The following VAMP4 variants were observed in gnomAD, a reference collection of about 807,000 sequenced individuals.
VAMP4 encodes vesicle-associated membrane protein 4.
A neutral mutation model predicts 23.5 loss-of-function variants in VAMP4; 19 were observed. The observed-to-expected ratio is 0.81, with a 90% CI of 0.56 to 1.19. The LOEUF (loss-of-function observed/expected upper bound fraction) is 1.19. VAMP4 is among the 50% of genes most tolerant of loss of function. The pLI, the probability that VAMP4 is intolerant of heterozygous loss-of-function variation, is 0.00. For missense variants in VAMP4, 145 were observed against 168.6 expected (o/e 0.86, Z 0.78); for synonymous variants, 31 against 51.0 (o/e 0.61, Z 1.67).
At chr1:171,732,360 GAAAAA>G (rs532876540) in intron 2 of VAMP4, among the ~76,000 whole-genome samples, 12 of 123,548 alleles carry the variant, frequency 9.7e-5, no homozygotes, top group African/African-American at 3.0e-4. Context: ...GTCTCTATGG[GAAAAA>G]AAAAAAAAAA....
At chr1:171,741,256 G>A (rs1250911422) in intron 1 of VAMP4, among the ~76,000 whole-genome samples, 1 of 152,086 alleles carries the variant, frequency 6.6e-6, no homozygotes, top group Non-Finnish European at 1.5e-5. Flanking sequence ...TTGAATCTGG[G>A]CAAAGGCTCT....
At chr1:171,733,008 A>G (rs114456404) in intron 2 of VAMP4, among the ~76,000 whole-genome samples, 2,200 of 152,258 alleles carry the variant, frequency 0.014, 51 homozygotes, top group African/African-American at 0.049. Context: ...ATAGAAATAG[A>G]TAATTCCCAA....
intron 4 of VAMP4, among the ~76,000 whole-genome samples, chr1:171,714,326 G>C (rs1194552457): frequency 1.3e-5 from 2 of 152,084 alleles, no homozygotes; most frequent in Non-Finnish European, 2.9e-5. Flanking sequence ...CATTGGTCTT[G>C]TCCCCATTGT....
Position 171,706,429 on chromosome 1 carries a change from CA to C in VAMP4, c.346-12del. ...CATGATGGCTTTTATCTACAACACACAAAAGGGCATATATATTAATATTTGA... is the reference window on the plus strand; with the variant it reads ...CATGATGGCTTTTATCTACAACACACAAAGGGCATATATATTAATATTTGA... On this transcript the variant is annotated splice_polypyrimidine_tract_variant and intron_variant, in intron 6 of 7. Coordinates refer to ENST00000236192, the MANE Select transcript of VAMP4 (RefSeq NM_003762.5). 1 of 1,603,928 alleles carries C rather than the reference CA, an allele frequency of 6.2e-7. No individual in the cohort carries two copies. The highest frequency in any genetic ancestry group is 8.5e-7 in the Non-Finnish European group (1 of 1,175,148).
In VAMP4 at chr1:171,701,377, C is replaced by T. The variant is rs546484757; in HGVS notation, c.*3129G>A. Reference sequence around the variant, plus strand: ...AACAATTTCTTGCATATTTTCTAATCATAGTGTATATACAGATGTAAATAC... The same window carrying T: ...AACAATTTCTTGCATATTTTCTAATTATAGTGTATATACAGATGTAAATAC... On this transcript the variant is annotated 3_prime_UTR_variant, in exon 8 of 8. Transcript: ENST00000236192. 1 of 152,260 alleles carries T rather than the reference C, an allele frequency of 6.6e-6. No individual in the cohort carries two copies. The highest frequency in any genetic ancestry group is 1.9e-4 in the East Asian group (1 of 5,188). 9.4% of individuals were successfully genotyped at this position (152,260 alleles called of 1,614,324 possible).
At chr1:171,732,113 T>C (rs1655583564) in intron 2 of VAMP4, among the ~76,000 whole-genome samples, 1 of 152,224 alleles carries the variant, frequency 6.6e-6, no homozygotes, top group Non-Finnish European at 1.5e-5. Context: ...CAGCAAATTT[T>C]ATTTTATTTT....
intron 6 of VAMP4, among the ~76,000 whole-genome samples, chr1:171,709,443 A>G (rs1572239484): frequency 6.6e-6 from 1 of 152,346 alleles, no homozygotes; most frequent in South Asian, 2.1e-4. Flanking sequence ...TTTCATTAAA[A>G]AAATCTATGA....
At chr1:171,729,899 T>C (rs769482298) in intron 2 of VAMP4, among the ~76,000 whole-genome samples, 1 of 152,034 alleles carries the variant, frequency 6.6e-6, no homozygotes, top group Non-Finnish European at 1.5e-5. Context: ...TCACGGATCT[T>C]GAGAAGAAAA....
chr1:171,709,671 T>A lies in VAMP4; in HGVS notation c.339A>T (p.Gly113=). ...KQLRRQMWWR[G]CKIKAIMALV... is the part of the protein sequence containing the mutation. ...TAGCTTCTGATTTACTTACTTTGCA[T>A]CCACGCCACCACATTTGCCTTCGAA... Residue 113 remains glycine, a synonymous_variant, in exon 6 of 8, where the codon GGA becomes GGT. Coordinates refer to ENST00000236192, the MANE Select transcript of VAMP4 (RefSeq NM_003762.5). 2 of 1,612,926 alleles carry A rather than the reference T, an allele frequency of 1.2e-6. No homozygotes were observed. Among genetic ancestry groups the A allele is most frequent in the Non-Finnish European group, 1.7e-6 (2 of 1,179,230 alleles).
rs1397552138 is a variant in VAMP4 at position 171,701,542 on chromosome 1, T to C, written c.*2964A>G. ...TCATTTACAGGATAGTCACATACTA[T>C]ACAGAATTGAAAGATGCCAATTTTT... On this transcript the variant is annotated 3_prime_UTR_variant, in exon 8 of 8. Transcript: ENST00000236192. The C allele has an allele frequency of 6.6e-6, 1 of 152,188 alleles. No individual in the cohort carries two copies. The highest frequency in any genetic ancestry group is 1.5e-5 in the Non-Finnish European group (1 of 68,006). The allele number at this position is 152,188 out of a possible 1,614,324, so 9.4% of individuals were successfully genotyped here.
chr1:171,710,813 C>T lies in VAMP4; in HGVS notation c.166G>A (p.Val56Ile). Residue 56 changes from valine to isoleucine, a missense_variant and splice_region_variant, in exon 5 of 8, where the codon GTT becomes ATT. Transcript: ENST00000236192. Reference sequence around the variant, plus strand: ...ATAACTTCATCCACTTGATTCTGAACACTAGTTTAAAAAAGATACACAATT... The same window carrying T: ...ATAACTTCATCCACTTGATTCTGAATACTAGTTTAAAAAAGATACACAATT... ...FGPRNDKIKH[V>I]QNQVDEVIDV... The T allele has an allele frequency of 1.9e-6, 3 of 1,592,822 alleles. No individual in the cohort carries two copies. Among genetic ancestry groups the T allele is most frequent in the Non-Finnish European group, 1.7e-6 (2 of 1,169,798 alleles).
chr1:171,737,727 GTTC>G (rs1366247880), intron 2 of VAMP4, among the ~76,000 whole-genome samples: 4 of 152,124 alleles, frequency 2.6e-5, no homozygotes, highest in Admixed American at 1.3e-4. Context: ...TACATAATAT[GTTC>G]TTAACTTTCT....
In VAMP4 at chr1:171,709,670, A is replaced by G; in HGVS notation, c.340T>C (p.Cys114Arg). The change falls in exon 6 of 8, where the codon TGC (cysteine) becomes CGC (arginine). Residue 114 changes from cysteine to arginine, a missense_variant. Coordinates refer to ENST00000236192, the MANE Select transcript of VAMP4 (RefSeq NM_003762.5). ...QLRRQMWWRG[C>R]KIKAIMALVA... ...GTAGCTTCTGATTTACTTACTTTGCATCCACGCCACCACATTTGCCTTCGA... is the reference window on the plus strand; with the variant it reads ...GTAGCTTCTGATTTACTTACTTTGCGTCCACGCCACCACATTTGCCTTCGA... 6.2e-7 allele frequency: 1 copy of G among 1,613,104 alleles called. No individual in the cohort carries two copies.
At chr1:171,717,046 CAT>C (rs1485715252) in intron 4 of VAMP4, among the ~76,000 whole-genome samples, 4 of 152,106 alleles carry the variant, frequency 2.6e-5, no homozygotes, top group African/African-American at 9.7e-5. Context: ...CATTCATTAA[CAT>C]AGACATATAT....
intron 7 of VAMP4, 25 bp from the exon 8 acceptor site, chr1:171,704,559 C>A: frequency 6.5e-7 from 1 of 1,540,334 alleles, no homozygotes; most frequent in South Asian, 1.2e-5. Context: ...ATGAAAAAAG[C>A]AATATATCAA....
chr1:171,739,966 A>C (rs1213138068), intron 1 of VAMP4, among the ~76,000 whole-genome samples: 1 of 152,252 alleles, frequency 6.6e-6, no homozygotes, highest in Non-Finnish European at 1.5e-5. Flanking sequence ...ATTTTTGACT[A>C]GATGGTAGAT....
In VAMP4 at chr1:171,704,325, T is replaced by C. The variant is rs1654577825; in HGVS notation, c.*181A>G. On this transcript the variant is annotated 3_prime_UTR_variant, in exon 8 of 8. Coordinates refer to ENST00000236192, the MANE Select transcript of VAMP4 (RefSeq NM_003762.5). ...TTAAACATAATTATTAAAAGAACATTTTGTTAGAAAGGGAGAAGATAATTG... is the reference window on the plus strand; with the variant it reads ...TTAAACATAATTATTAAAAGAACATCTTGTTAGAAAGGGAGAAGATAATTG... The C allele has an allele frequency of 7.4e-6, 3 of 404,490 alleles. No individual in the cohort carries two copies. The highest frequency in any genetic ancestry group is 1.3e-5 in the Non-Finnish European group (3 of 223,980). The allele number at this position is 404,490 out of a possible 1,614,324, so 25.1% of individuals were successfully genotyped here.
chr1:171,728,620 A>G, intron 2 of VAMP4, 50 bp from the exon 3 acceptor site: 1 of 1,526,432 alleles, frequency 6.6e-7, no homozygotes. Context: ...AGGGCTTATA[A>G]AATGTCACAG....
At chr1:171,740,020 T>C (rs1389143567) in intron 1 of VAMP4, among the ~76,000 whole-genome samples, 1 of 152,252 alleles carries the variant, frequency 6.6e-6, no homozygotes, top group Non-Finnish European at 1.5e-5. Flanking sequence ...CTGAATGTTT[T>C]ACTATGTGCT....
Sources: allele counts gnomAD v4.1 joint callset (sites outside exome capture counted in the v4.1 genomes callset), GRCh38; gene constraint gnomAD v4.1.1; transcripts MANE v1.5; gene names NCBI Gene and HGNC (gene_info 2026-07-23, HGNC 2026-07-21).